CNOT1: variants seen among roughly 807,000 people sequenced by gnomAD.
CNOT1 encodes CCR4-NOT transcription complex subunit 1.
Under a neutral mutation model 273.8 loss-of-function variants are expected in CNOT1, and 15 were observed. That is an observed-to-expected ratio of 0.05 (90% CI 0.04 to 0.08). CNOT1 has a LOEUF of 0.08. CNOT1 is among the 10% of genes least tolerant of loss of function. The probability of loss-of-function intolerance (pLI) is 1.00; values close to 1 mark genes in which losing one functional copy is unlikely to be tolerated. For synonymous variants in CNOT1, 1,022 were observed against 1,005.5 expected (o/e 1.02, Z -0.31); for missense variants, 1,644 against 2,912.2 (o/e 0.56, Z 10.02).
intron 40 of CNOT1, 146 bp downstream of exon 40, chr16:58,534,001 A>AT: frequency 9.2e-7 from 1 of 1,085,184 alleles, no homozygotes; most frequent in Non-Finnish European, 1.1e-6. Flanking sequence ...TCATGCCTGT[A>AT]TTCCCAGCTA....
intron 16 of CNOT1, among the ~76,000 whole-genome samples, chr16:58,571,362 C>T (rs1384205172): frequency 1.3e-5 from 2 of 151,928 alleles, no homozygotes; most frequent in Non-Finnish European, 2.9e-5. Context: ...TCAAGGCCAG[C>T]CTGGGGAACA....
intron 2 of CNOT1, among the ~76,000 whole-genome samples, chr16:58,589,507 C>T (rs77896768): frequency 0.023 from 3,503 of 151,640 alleles, 122 homozygotes; most frequent in African/African-American, 0.079. Context: ...AGTGAAACGT[C>T]GTCTCAAAAA....
At chr16:58,562,174 G>A (rs1168381819) in intron 16 of CNOT1, among the ~76,000 whole-genome samples, 2 of 138,630 alleles carry the variant, frequency 1.4e-5, no homozygotes, top group Non-Finnish European at 3.0e-5. Context: ...CAGAATGTGA[G>A]ACTCCGTATC....
chr16:58,603,449 G>T (rs7187722), intron 1 of CNOT1, among the ~76,000 whole-genome samples: 9 of 88,414 alleles, frequency 1.0e-4, no homozygotes, highest in East Asian at 4.2e-4. Context: ...GTGTGTGTGT[G>T]TGTGTGTGTG....
chr16:58,581,381 G>T lies in CNOT1; in HGVS notation c.1179C>A (p.Asp393Glu). 1 of 1,613,580 alleles carries T rather than the reference G, an allele frequency of 6.2e-7. No individual in the cohort carries two copies. Among genetic ancestry groups the T allele is most frequent in the Non-Finnish European group, 8.5e-7 (1 of 1,179,812 alleles). The change falls in exon 11 of 49, where the codon GAC (aspartate) becomes GAA (glutamate). Residue 393 changes from aspartate to glutamate, a missense_variant. Coordinates refer to ENST00000317147, the MANE Select transcript of CNOT1 (RefSeq NM_016284.5). The stretch of plus-strand genomic sequence containing the variant: ...CATGTTTCCAAGGTCTATATATGAG[G>T]TCTACTGGGAACACTTCCATACCCA... The part of the protein sequence containing the change: ...RGLGMEVFPV[D>E]LIYRPWKHAE...
intron 29 of CNOT1, 129 bp from the exon 30 acceptor site, chr16:58,545,620 A>ACCACCCC: frequency 1.4e-6 from 2 of 1,447,420 alleles, no homozygotes; most frequent in Non-Finnish European, 9.2e-7. Context: ...GGAAGGATGT[A>ACCACCCC]GCAGGTCCTA....
Position 58,542,557 on chromosome 16 carries a change from T to C in CNOT1, c.4446A>G (p.Pro1482=). ...SFASALRTAS[P]QQREMMDQAA... is the part of the protein sequence containing the mutation. ...CCTGATCCATCATTTCTCTTTGTTG[T>C]GGGGAAGCAGTCTATTAATGGAGGT... is the stretch of plus-strand genomic sequence containing the variant. Residue 1482 remains proline, a synonymous_variant, in exon 32 of 49, where the codon CCA becomes CCG. Transcript: ENST00000317147. 7.7e-7 allele frequency: 1 copy of C among 1,297,256 alleles called. No homozygotes were observed. Among genetic ancestry groups the C allele is most frequent in the East Asian group, 5.2e-5 (1 of 19,302 alleles). The allele number at this position is 1,297,256 out of a possible 1,614,324, so 80.4% of individuals were successfully genotyped here. A position where few individuals can be genotyped will look rare whatever the true frequency, so the allele number is the denominator to read the frequency against.
intron 1 of CNOT1, among the ~76,000 whole-genome samples, chr16:58,600,239 T>C (rs1055358856): frequency 8.6e-5 from 13 of 150,594 alleles, no homozygotes; most frequent in Non-Finnish European, 3.0e-5. Context: ...TCCTAACTAC[T>C]CGGGAGGCTG....
intron 16 of CNOT1, among the ~76,000 whole-genome samples, chr16:58,567,178 GAAAA>G (rs1247685803): frequency 6.7e-6 from 1 of 150,220 alleles, no homozygotes; most frequent in Non-Finnish European, 1.5e-5. Context: ...AAGAAAGAAA[GAAAA>G]AAAAAGGCTG....
rs556754243 is a variant in CNOT1 at position 58,550,446 on chromosome 16, A to G, written c.3343-548T>C. On this transcript the variant is annotated intron_variant, in intron 24 of 48. Transcript: ENST00000317147. ...ATTAAATATAAAGTTAAAGACCTGT[A>G]TGATAATCCATTTCCACTTAACAGA... Among the ~76,000 whole-genome samples, 4 of 152,326 alleles carry G rather than the reference A, an allele frequency of 2.6e-5. No homozygotes were observed. In the South Asian group the frequency reaches 8.3e-4, roughly 32 times the overall value.
intron 1 of CNOT1, among the ~76,000 whole-genome samples, chr16:58,600,099 T>C (rs996007561): frequency 4.0e-5 from 6 of 151,678 alleles, no homozygotes; most frequent in Admixed American, 2.6e-4. Context: ...TCCCAGCACT[T>C]TGGGAGGCCA....
intron 1 of CNOT1, among the ~76,000 whole-genome samples, chr16:58,622,642 T>C (rs1018559471): frequency 3.3e-5 from 5 of 151,362 alleles, no homozygotes; most frequent in African/African-American, 1.2e-4. Context: ...AGGTCAGGAG[T>C]TTGAGACCAG....
intron 30 of CNOT1, among the ~76,000 whole-genome samples, 182 bp from the exon 31 acceptor site, chr16:58,544,085 A>G (rs112242383): frequency 1.4e-3 from 215 of 152,372 alleles, no homozygotes; most frequent in African/African-American, 5.0e-3. Context: ...AAATGTATTC[A>G]GTATACCCTG....
At chr16:58,581,086 G>C (rs139454308) in intron 11 of CNOT1, among the ~76,000 whole-genome samples, 3,474 of 124,252 alleles carry the variant, frequency 0.028, 151 homozygotes, top group African/African-American at 0.1. Context: ...GAGCCAATTA[G>C]GGAAACTTAA....
intron 2 of CNOT1, chr16:58,597,547 T>G: frequency 3.8e-6 from 1 of 264,612 alleles, no homozygotes; most frequent in Non-Finnish European, 7.4e-6. Context: ...AAAAAAAAGT[T>G]GAGAATGAAT....
intron 46 of CNOT1, among the ~76,000 whole-genome samples, chr16:58,524,074 C>G (rs1039676904): frequency 2.2e-4 from 34 of 152,036 alleles, no homozygotes; most frequent in African/African-American, 8.2e-4. Flanking sequence ...ATGGTGAAAC[C>G]CCATCTCTAC....
chr16:58,625,882 T>C (rs1034187135), intron 1 of CNOT1, among the ~76,000 whole-genome samples: 1 of 135,986 alleles, frequency 7.4e-6, no homozygotes, highest in African/African-American at 2.9e-5. Flanking sequence ...AAAAAACTAT[T>C]GTATACACTG....
At position 58,547,169 on chromosome 16, in the gene CNOT1, T is replaced by C. The variant is rs747593903; in HGVS notation, c.3750+17A>G. 13 of 1,599,536 alleles carry C rather than the reference T, an allele frequency of 8.1e-6. No homozygotes were observed. The highest frequency in any genetic ancestry group is 1.3e-5 in the African/African-American group (1 of 74,204). The stretch of plus-strand genomic sequence containing the variant: ...GCTTAGAAATTAGTCATAAATAAAA[T>C]ATTAAAATCTACTCACCACACTACG... On this transcript the variant is annotated intron_variant, in intron 27 of 48. Transcript: ENST00000317147. The surrounding 1 kb of genome is among the most constrained non-coding windows in gnomAD (Gnocchi z 4.0).
At chr16:58,596,662 C>T (rs759776161) in intron 2 of CNOT1, among the ~76,000 whole-genome samples, 61 of 151,794 alleles carry the variant, frequency 4.0e-4, no homozygotes, top group Non-Finnish European at 3.7e-4. Flanking sequence ...CCAAGGCGGG[C>T]GGATCACAAG....
Sources: gnomAD v4.1 joint callset for allele counts (sites outside exome capture counted in the v4.1 genomes callset) on GRCh38, gnomAD v4.1.1 for gene constraint, Gnocchi (gnomAD v3.1) non-coding constraint, MANE v1.5 for transcripts, NCBI Gene and HGNC (gene_info 2026-07-23, HGNC 2026-07-21) for gene names.